TGOLN2: variants seen among roughly 807,000 people sequenced by gnomAD.
The protein encoded by TGOLN2 is trans-golgi network protein 2, also known as trans-Golgi network integral membrane protein 2.
Under a neutral mutation model 31.3 loss-of-function variants are expected in TGOLN2, and 19 were observed. The ratio of observed to expected loss-of-function variants is 0.61; its 90% CI spans 0.42 to 0.89. TGOLN2 has a LOEUF of 0.89. Among genes scored for constraint, TGOLN2 ranks in the 40% least tolerant of loss-of-function variants. TGOLN2 has a pLI of 0.00. For synonymous variants in TGOLN2, 222 were observed against 226.7 expected (o/e 0.98, Z 0.19); for missense variants, 540 against 559.2 (o/e 0.97, Z 0.35).
At chr2:85,325,369 A>G (rs1014425147) in intron 2 of TGOLN2, among the ~76,000 whole-genome samples, 12 of 152,198 alleles carry the variant, frequency 7.9e-5, no homozygotes, top group African/African-American at 2.9e-4. Flanking sequence ...CCTATCTACA[A>G]ATGTACTTTT....
At chr2:85,324,879 C>CT in intron 3 of TGOLN2, 36 bp downstream of exon 3, 3 of 1,544,572 alleles carry the variant, frequency 1.9e-6, no homozygotes, top group Non-Finnish European at 2.6e-6. Flanking sequence ...CCTATCCCTC[C>CT]TATCCCTCCC....
chr2:85,320,250 T>G lies in TGOLN2; in HGVS notation c.*2486A>C, dbSNP rs1377451052. ...CTGGATTCTCTAAGCCTTGAGAAGT[T>G]CACACCAAAGCTTCAGACCAGGGAA... On this transcript the variant is annotated 3_prime_UTR_variant, in exon 4 of 4. Coordinates refer to ENST00000377386, the MANE Select transcript of TGOLN2 (RefSeq NM_006464.4). 6.6e-6 allele frequency: 1 copy of G among 152,244 alleles called. No homozygotes were observed. The highest frequency in any genetic ancestry group is 2.4e-5 in the African/African-American group (1 of 41,460). 9.4% of individuals were successfully genotyped at this position (152,244 alleles called of 1,614,324 possible).
intron 3 of TGOLN2, among the ~76,000 whole-genome samples, chr2:85,323,637 A>C (rs958310932): frequency 2.0e-5 from 3 of 152,256 alleles, no homozygotes; most frequent in African/African-American, 7.2e-5. Context: ...GCAGTAGTCC[A>C]GAGCTAAATT....
chr2:85,324,421 C>CAAA, intron 3 of TGOLN2: 1 of 123,140 alleles, frequency 8.1e-6, no homozygotes, highest in Non-Finnish European at 1.7e-5. Context: ...ACTCCATCTC[C>CAAA]AAAAAAAAAA....
In TGOLN2 at chr2:85,327,918, C is replaced by T. The variant is rs998284322; in HGVS notation, c.45G>A (p.Ala15=). 6.2e-7 allele frequency: 1 copy of T among 1,602,772 alleles called. No homozygotes were observed. The highest frequency in any genetic ancestry group is 8.5e-7 in the Non-Finnish European group (1 of 1,175,192). Residue 15 remains alanine (A), a splice_region_variant and synonymous_variant, in exon 1 of 4, where the codon GCG becomes GCA. Coordinates refer to ENST00000377386, the MANE Select transcript of TGOLN2 (RefSeq NM_006464.4). ...GGGATGCGGGATGGAGGGTCTTACC[C>T]GCCGCTGCGACGTTCAGGAGGACCA... ...VALVLLNVAA[A]GAVPLLATES...
chr2:85,327,822 G>A (rs1682813503), intron 1 of TGOLN2, 95 bp downstream of exon 1: 1 of 1,532,938 alleles, frequency 6.5e-7, no homozygotes, highest in Non-Finnish European at 8.8e-7. Flanking sequence ...CGGAGAGGTG[G>A]GTCGGGTAGG....
chr2:85,322,850 A>AT, intron 3 of TGOLN2, 109 bp from the exon 4 acceptor site: 3 of 1,534,406 alleles, frequency 2.0e-6, no homozygotes, highest in Non-Finnish European at 2.6e-6. Flanking sequence ...ACACAAAATG[A>AT]TTTTTAAAGT....
chr2:85,324,490 A>C (rs1682660871), intron 3 of TGOLN2: 1 of 221,620 alleles, frequency 4.5e-6, no homozygotes, highest in Non-Finnish European at 8.8e-6. Context: ...AATGCTTTTT[A>C]TCAAAATTCC....
At chr2:85,324,876 C>T (rs1040805968) in intron 3 of TGOLN2, 39 bp downstream of exon 3, 3 of 1,540,176 alleles carry the variant, frequency 1.9e-6, no homozygotes, top group Non-Finnish European at 2.6e-6. Flanking sequence ...TTGCCTATCC[C>T]TCCTATCCCT....
rs776347477 is a variant in TGOLN2 at position 85,326,553 on chromosome 2, G to A, written c.1179C>T (p.Ala393=). 1 of 1,613,948 alleles carries A rather than the reference G, an allele frequency of 6.2e-7. No individual in the cohort carries two copies. Among genetic ancestry groups the A allele is most frequent in the South Asian group, 1.1e-5 (1 of 91,070 alleles). The part of the protein sequence containing the change: ...SHFFAYLVTA[A]ILVAVLYIAH... ...CGATATAGAGGACAGCCACAAGAAT[G>A]GCTGCAGTCACCAGATATGCAAAGA... The change falls in exon 2 of 4, where the codon GCC becomes GCT. Residue 393 remains alanine (A), a synonymous_variant. Transcript: ENST00000377386.
At chr2:85,327,790 T>TTTGGGGGGGG in intron 1 of TGOLN2, 105 bp from the exon 2 acceptor site, 3 of 345,638 alleles carry the variant, frequency 8.7e-6, no homozygotes, top group Non-Finnish European at 1.4e-5. Context: ...GATTGGGGGG[T>TTTGGGGGGGG]GGGGCGGGAG....
At position 85,324,627 on chromosome 2, in the gene TGOLN2, CG is replaced by C. The variant is rs1682668322; in HGVS notation, c.1308+287del. The C allele has an allele frequency of 8.6e-6, 4 of 465,834 alleles. No individual in the cohort carries two copies. The East Asian group carries it at 1.3e-4, about 16-fold the overall frequency. 28.9% of individuals were successfully genotyped at this position (465,834 alleles called of 1,614,324 possible). On this transcript the variant is annotated intron_variant, in intron 3 of 3. Coordinates refer to ENST00000377386, the MANE Select transcript of TGOLN2 (RefSeq NM_006464.4). ...CCACTAACTTGCAGTAGAAACTTAG[CG>C]GAAAAAAAAAAAAAAGAGTGTTTCT...
Position 85,327,431 on chromosome 2 carries a change from C to T in TGOLN2, c.301G>A (p.Glu101Lys), listed in dbSNP as rs1682787944. The change falls in exon 2 of 4, where the codon GAG becomes AAG. Residue 101 changes from glutamate to lysine, a missense_variant. By Grantham distance (56) the Glu-to-Lys change is moderately conservative. Coordinates refer to ENST00000377386, the MANE Select transcript of TGOLN2 (RefSeq NM_006464.4). ...QKDSSNKSGA[E>K]AKTQKGSTSK... is the part of the protein sequence containing the mutation. ...GTGCTGCCTTTTTGGGTCTTTGCCTCCGCACCCGACTTGTTGGAGCTGTCT... is the reference window on the plus strand; with the variant it reads ...GTGCTGCCTTTTTGGGTCTTTGCCTTCGCACCCGACTTGTTGGAGCTGTCT... The T allele has an allele frequency of 6.2e-7, 1 of 1,612,884 alleles. No homozygotes were observed. Among genetic ancestry groups the T allele is most frequent in the Non-Finnish European group, 8.5e-7 (1 of 1,179,386 alleles).
intron 2 of TGOLN2, among the ~76,000 whole-genome samples, chr2:85,325,294 C>G (rs1294458405): frequency 6.6e-6 from 1 of 152,174 alleles, no homozygotes; most frequent in Admixed American, 6.5e-5. Flanking sequence ...AAAGATCTAT[C>G]AACTCCTTCC....
In TGOLN2 at chr2:85,324,924, C is replaced by T; in HGVS notation, c.1299G>A (p.Leu433=). 6.4e-7 allele frequency: 1 copy of T among 1,554,682 alleles called. No homozygotes were observed. The highest frequency in any genetic ancestry group is 8.7e-7 in the Non-Finnish European group (1 of 1,148,238). ...RRPKASDYQR[L]DQKS Reference sequence around the variant, plus strand: ...GCTCCTCCTTCCTTACCTTCTGGTCCAAACGTTGGTAGTCACTGGCCTTTG... The same window carrying T: ...GCTCCTCCTTCCTTACCTTCTGGTCTAAACGTTGGTAGTCACTGGCCTTTG... The change falls in exon 3 of 4, where the codon TTG becomes TTA. Residue 433 remains leucine, a synonymous_variant. Transcript: ENST00000377386.
In TGOLN2 at chr2:85,322,226, C is replaced by A. The variant is rs58373482; in HGVS notation, c.*510G>T. On this transcript the variant is annotated 3_prime_UTR_variant, in exon 4 of 4. Transcript: ENST00000377386. ...ATGTCTTCTGTAGGGCACATCCCCC[C>A]CAAAGTAAGAGGCCTTAGTAGAAAA... 155 of 169,942 alleles carry A rather than the reference C, an allele frequency of 9.1e-4. No homozygotes were observed. Among genetic ancestry groups the A allele is most frequent in the African/African-American group, 2.9e-3 (122 of 41,690 alleles). 10.5% of individuals were successfully genotyped at this position (169,942 alleles called of 1,614,324 possible).
Position 85,327,972 on chromosome 2 carries a change from A to C in TGOLN2, c.-10T>G. The C allele has an allele frequency of 2.5e-6, 4 of 1,585,674 alleles. No individual in the cohort carries two copies. Among genetic ancestry groups the C allele is most frequent in the Non-Finnish European group, 3.4e-6 (4 of 1,166,372 alleles). Reference sequence around the variant, plus strand: ...CAACCACGAACCGCATCCTGCTCGGATAGCGCTTCCGCCCTCTAATGCTCT... The same window carrying C: ...CAACCACGAACCGCATCCTGCTCGGCTAGCGCTTCCGCCCTCTAATGCTCT... On this transcript the variant is annotated 5_prime_UTR_variant, in exon 1 of 4. Transcript: ENST00000377386.
chr2:85,323,859 G>A (rs954677876), intron 3 of TGOLN2, among the ~76,000 whole-genome samples: 1 of 152,232 alleles, frequency 6.6e-6, no homozygotes, highest in Non-Finnish European at 1.5e-5. Context: ...AACGCAGTGA[G>A]AGTACAGTCT....
intron 3 of TGOLN2, among the ~76,000 whole-genome samples, chr2:85,323,956 G>A (rs912287272): frequency 4.6e-5 from 7 of 152,230 alleles, no homozygotes; most frequent in African/African-American, 1.4e-4. Context: ...TCTGACAGAG[G>A]AATGGATTGG....
Sources: allele counts gnomAD v4.1 joint callset (sites outside exome capture counted in the v4.1 genomes callset), GRCh38; gene constraint gnomAD v4.1.1; transcripts MANE v1.5; gene names NCBI Gene and HGNC (gene_info 2026-07-23, HGNC 2026-07-21).